The following TTC7A variants were observed in gnomAD, a reference collection of about 807,000 sequenced individuals.
The protein encoded by TTC7A is tetratricopeptide repeat protein 7A.
Under a neutral mutation model 103.7 loss-of-function variants are expected in TTC7A, and 110 were observed. That is an observed-to-expected ratio of 1.06 (90% confidence interval 0.91 to 1.24). The LOEUF is 1.24. Among genes scored for constraint, TTC7A ranks in the 50% most tolerant of loss-of-function variants. The pLI is 0.00. For missense variants in TTC7A, 1,340 were observed against 1,116.3 expected (o/e 1.20, Z -2.86); for synonymous variants, 521 against 467.9 (o/e 1.11, Z -1.47).
intron 6 of TTC7A, 96 bp downstream of exon 6, chr2:46,993,624 C>T: frequency 8.8e-7 from 1 of 1,140,408 alleles, no homozygotes; most frequent in African/African-American, 1.5e-5. Context: ...GCAGGGGTGG[C>T]AGTAGGTCTC....
chr2:47,047,468 A>T, intron 16 of TTC7A: 1 of 620,610 alleles, frequency 1.6e-6, no homozygotes, highest in Non-Finnish European at 2.8e-6. Flanking sequence ...ACTTTTCAGA[A>T]TGAGAATTTG....
At position 47,076,073 on chromosome 2, in the gene TTC7A, A is replaced by G. The variant is rs1382499308; in HGVS notation, c.*2150A>G. On this transcript the variant is annotated 3_prime_UTR_variant, in exon 20 of 20. Coordinates refer to ENST00000319190, the MANE Select transcript of TTC7A (RefSeq NM_020458.4). ...GTACACCCCTAATAAGTTATGCCAC[A>G]TACCAACGTACTGTGGATATTATAA... 6.6e-6 allele frequency: 1 copy of G among 152,244 alleles called. No homozygotes were observed. The highest frequency in any genetic ancestry group is 2.4e-5 in the African/African-American group (1 of 41,428). The allele number at this position is 152,244 out of a possible 1,614,324, so 9.4% of individuals were successfully genotyped here. A position where few individuals can be genotyped will look rare whatever the true frequency, so the allele number is the denominator to read the frequency against.
intron 19 of TTC7A, among the ~76,000 whole-genome samples, chr2:47,072,245 C>T (rs1275733800): frequency 6.6e-6 from 1 of 152,176 alleles, no homozygotes; most frequent in South Asian, 2.1e-4. Context: ...CGCCTGCAGC[C>T]ACCCTGTCCT....
chr2:46,975,206 G>C, intron 4 of TTC7A, 103 bp downstream of exon 4: 6 of 1,478,576 alleles, frequency 4.1e-6, no homozygotes, highest in Non-Finnish European at 5.6e-6. Context: ...ATTAGAAGAA[G>C]TCACCTTCTC....
chr2:47,032,841 A>C (rs1416830017), intron 15 of TTC7A, among the ~76,000 whole-genome samples: 1 of 146,888 alleles, frequency 6.8e-6, no homozygotes, highest in Non-Finnish European at 1.5e-5. Context: ...TAAGAGAATA[A>C]ATCTCTGTTG....
At chr2:46,986,419 G>C (rs1457786646) in intron 5 of TTC7A, among the ~76,000 whole-genome samples, 1 of 152,136 alleles carries the variant, frequency 6.6e-6, no homozygotes, top group East Asian at 1.9e-4. Context: ...TGCGGGGTTC[G>C]AGCTATGGCC....
At chr2:46,966,099 G>A (rs147630705) in intron 3 of TTC7A, among the ~76,000 whole-genome samples, 5 of 151,918 alleles carry the variant, frequency 3.3e-5, no homozygotes, top group Admixed American at 6.6e-5. Context: ...ACAGGCATGC[G>A]CCACCACGCC....
intron 15 of TTC7A, among the ~76,000 whole-genome samples, chr2:47,041,473 C>T (rs80107589): frequency 0.019 from 2,915 of 152,296 alleles, 109 homozygotes; most frequent in African/African-American, 0.067. Flanking sequence ...GCTTGATACG[C>T]CAGTCGCGGT....
intron 2 of TTC7A, 26 bp from the exon 3 acceptor site, chr2:46,956,813 C>G: frequency 6.2e-7 from 1 of 1,612,892 alleles, no homozygotes. Context: ...GGGGCAGGCG[C>G]TGGTAACATG....
intron 19 of TTC7A, among the ~76,000 whole-genome samples, chr2:47,062,838 C>A (rs751749947): frequency 1.1e-4 from 17 of 152,182 alleles, no homozygotes; most frequent in Non-Finnish European, 1.8e-4. Flanking sequence ...CTGAAATGGT[C>A]CCTTTTTCCT....
chr2:47,069,814 G>T (rs1399143186), intron 19 of TTC7A, among the ~76,000 whole-genome samples: 1 of 152,220 alleles, frequency 6.6e-6, no homozygotes, highest in East Asian at 1.9e-4. Flanking sequence ...CCTTTCTGTA[G>T]AGCAGGCTCC....
In TTC7A at chr2:47,073,707, G is replaced by C; in HGVS notation, c.2361G>C (p.Leu787=). The C allele has an allele frequency of 6.2e-7, 1 of 1,613,898 alleles. No individual in the cohort carries two copies. Among genetic ancestry groups the C allele is most frequent in the East Asian group, 2.2e-5 (1 of 44,884 alleles). Residue 787 remains leucine (L), a synonymous_variant, in exon 20 of 20, where the codon CTG becomes CTC. Coordinates refer to ENST00000319190, the MANE Select transcript of TTC7A (RefSeq NM_020458.4). Reference sequence around the variant, plus strand: ...GCCCTGTGCTTCGTCCACAGGGTCTGATGCTGAGTCGGCTGGGCCACAAGA... The same window carrying C: ...GCCCTGTGCTTCGTCCACAGGGTCTCATGCTGAGTCGGCTGGGCCACAAGA... The part of the protein sequence containing the change: ...DGVRIMHSLG[L]MLSRLGHKSL...
intron 3 of TTC7A, among the ~76,000 whole-genome samples, chr2:46,964,140 G>A (rs923364242): frequency 2.6e-5 from 4 of 152,242 alleles, no homozygotes; most frequent in African/African-American, 9.6e-5. Flanking sequence ...TTCGATTGAA[G>A]CACTCTTGCA....
intron 8 of TTC7A, among the ~76,000 whole-genome samples, chr2:47,000,355 C>A (rs1373340793): frequency 2.0e-5 from 3 of 152,078 alleles, no homozygotes; most frequent in Non-Finnish European, 4.4e-5. Flanking sequence ...TGTTCTAACA[C>A]AAGGCCCTGC....
chr2:47,048,530 C>T (rs1035508399), intron 16 of TTC7A, among the ~76,000 whole-genome samples: 2 of 152,228 alleles, frequency 1.3e-5, no homozygotes, highest in Non-Finnish European at 2.9e-5. Flanking sequence ...GGTCAAGTAG[C>T]ATTGCCAAGG....
intron 2 of TTC7A, among the ~76,000 whole-genome samples, chr2:46,918,128 G>T (rs1668910533): frequency 6.6e-6 from 1 of 152,128 alleles, no homozygotes; most frequent in Admixed American, 6.5e-5. Context: ...ATGAATGTCA[G>T]ACTGGCATCT....
At chr2:47,037,446 T>G (rs973982105) in intron 15 of TTC7A, among the ~76,000 whole-genome samples, 33 of 152,310 alleles carry the variant, frequency 2.2e-4, no homozygotes, top group African/African-American at 7.7e-4. Flanking sequence ...CCAGTTTGGT[T>G]GTTTTGGTTT....
chr2:47,005,867 A>G (rs1447930453), intron 8 of TTC7A, 55 bp from the exon 9 acceptor site: 3 of 1,601,926 alleles, frequency 1.9e-6, no homozygotes, highest in Non-Finnish European at 2.6e-6. Flanking sequence ...CTGCGAAGAC[A>G]GACACCTGCT....
At chr2:47,064,033 C>T (rs1361953656) in intron 19 of TTC7A, among the ~76,000 whole-genome samples, 1 of 152,226 alleles carries the variant, frequency 6.6e-6, no homozygotes, top group Non-Finnish European at 1.5e-5. Flanking sequence ...GTCCCCCTGT[C>T]GGTGCCCTAG....
Sources: gnomAD v4.1 joint callset for allele counts (sites outside exome capture counted in the v4.1 genomes callset) on GRCh38, gnomAD v4.1.1 for gene constraint, MANE v1.5 for transcripts, NCBI Gene and HGNC (gene_info 2026-07-23, HGNC 2026-07-21) for gene names.